The following MALRD1 variants were observed in gnomAD, a reference collection of about 807,000 sequenced individuals.
The protein encoded by MALRD1 is MAM and LDL-receptor class A domain-containing protein 1.
Under a neutral mutation model 242.1 loss-of-function variants are expected in MALRD1, and 247 were observed. The observed-to-expected ratio is 1.02, with a 90% CI of 0.92 to 1.13. MALRD1 has a LOEUF of 1.13. MALRD1 is among the 50% of genes most tolerant of loss of function. The pLI is 0.00. For synonymous variants in MALRD1, 995 were observed against 866.6 expected (o/e 1.15, Z -2.60); for missense variants, 2,989 against 2,533.1 (o/e 1.18, Z -3.86).
At chr10:19,626,730 GAA>G (rs577461299) in intron 36 of MALRD1, among the ~76,000 whole-genome samples, 1 of 139,474 alleles carries the variant, frequency 7.2e-6, no homozygotes. Context: ...TAAATGGATA[GAA>G]AAAAAAAAAA....
intron 36 of MALRD1, among the ~76,000 whole-genome samples, chr10:19,651,471 A>T (rs1171642989): frequency 6.6e-6 from 1 of 152,202 alleles, no homozygotes; most frequent in Non-Finnish European, 1.5e-5. Context: ...CCATTATTTG[A>T]AGGGAAAAAA....
intron 36 of MALRD1, among the ~76,000 whole-genome samples, chr10:19,674,288 AAAGCC>A (rs1315395674): frequency 6.6e-6 from 1 of 152,222 alleles, no homozygotes; most frequent in East Asian, 1.9e-4. Context: ...AACCTAGTGC[AAAGCC>A]TAGCAAATAG....
chr10:19,597,946 G>A (rs887412733), intron 34 of MALRD1, among the ~76,000 whole-genome samples: 15 of 152,142 alleles, frequency 9.9e-5, no homozygotes, highest in African/African-American at 3.6e-4. Context: ...GGTCGTTAGA[G>A]TGAAGCATAT....
At chr10:19,482,867 C>T (rs1837066813) in intron 29 of MALRD1, among the ~76,000 whole-genome samples, 1 of 152,072 alleles carries the variant, frequency 6.6e-6, no homozygotes, top group South Asian at 2.1e-4. Flanking sequence ...GGCCATACTG[C>T]CCAAATCAGT....
At chr10:19,165,186 C>T (rs1163500050) in intron 12 of MALRD1, among the ~76,000 whole-genome samples, 1 of 142,892 alleles carries the variant, frequency 7.0e-6, no homozygotes, top group Non-Finnish European at 1.5e-5. Context: ...GACTGGGTTA[C>T]ACATCTGGGA....
At chr10:19,462,365 C>G (rs1835990668) in intron 29 of MALRD1, among the ~76,000 whole-genome samples, 1 of 152,218 alleles carries the variant, frequency 6.6e-6, no homozygotes, top group African/African-American at 2.4e-5. Context: ...ATTATTCAAA[C>G]TAGCCAATTG....
At chr10:19,374,608 A>G (rs1845523396) in intron 26 of MALRD1, among the ~76,000 whole-genome samples, 1 of 152,226 alleles carries the variant, frequency 6.6e-6, no homozygotes, top group Non-Finnish European at 1.5e-5. Context: ...ACACACACAT[A>G]TACATACACA....
At chr10:19,472,567 T>C (rs747693459) in intron 29 of MALRD1, among the ~76,000 whole-genome samples, 17 of 152,010 alleles carry the variant, frequency 1.1e-4, no homozygotes, top group Admixed American at 1.0e-3. Flanking sequence ...TGATGACTGA[T>C]TCAATCTCTT....
intron 26 of MALRD1, among the ~76,000 whole-genome samples, chr10:19,375,311 T>C (rs914092093): frequency 6.6e-6 from 1 of 152,148 alleles, no homozygotes; most frequent in Non-Finnish European, 1.5e-5. Flanking sequence ...ATTGCAACAA[T>C]AGAGGAATGC....
At chr10:19,123,188 T>A (rs1837127412) in intron 5 of MALRD1, among the ~76,000 whole-genome samples, 2 of 152,196 alleles carry the variant, frequency 1.3e-5, no homozygotes, top group Non-Finnish European at 2.9e-5. Flanking sequence ...ATTTTTTTAC[T>A]CCTATGAAGG....
intron 24 of MALRD1, among the ~76,000 whole-genome samples, chr10:19,346,434 A>C (rs149879362): frequency 5.5e-4 from 84 of 152,280 alleles, no homozygotes; most frequent in African/African-American, 1.9e-3. Context: ...TGTGTAAATG[A>C]GGCTTATTTA....
chr10:19,389,417 T>C, intron 27 of MALRD1, 35 bp from the exon 28 acceptor site: 1 of 1,543,112 alleles, frequency 6.5e-7, no homozygotes, highest in Non-Finnish European at 8.8e-7. Flanking sequence ...ATCATTGTTA[T>C]TTCGTTCTTC....
At chr10:19,429,837 C>G (rs1156460717) in intron 28 of MALRD1, among the ~76,000 whole-genome samples, 1 of 152,080 alleles carries the variant, frequency 6.6e-6, no homozygotes, top group Non-Finnish European at 1.5e-5. Flanking sequence ...TATTCCAAGG[C>G]CATGCCTACT....
chr10:19,236,759 T>G (rs761263891), intron 18 of MALRD1, among the ~76,000 whole-genome samples: 3 of 152,138 alleles, frequency 2.0e-5, no homozygotes, highest in Non-Finnish European at 4.4e-5. Flanking sequence ...ACGTTTTTCA[T>G]TTTTATAAGC....
intron 5 of MALRD1, among the ~76,000 whole-genome samples, chr10:19,106,861 A>G (rs374195306): frequency 4.3e-4 from 66 of 152,018 alleles, no homozygotes; most frequent in African/African-American, 1.5e-3. Flanking sequence ...GAATATTTAA[A>G]TGTTCTATTT....
At chr10:19,583,436 G>T (rs1430088311) in intron 33 of MALRD1, among the ~76,000 whole-genome samples, 15 of 149,210 alleles carry the variant, frequency 1.0e-4, no homozygotes, top group Non-Finnish European at 2.3e-4. Context: ...AGCATGAAGG[G>T]TTGTTGAATT....
At chr10:19,246,833 G>T (rs1839074033) in intron 18 of MALRD1, among the ~76,000 whole-genome samples, 1 of 152,102 alleles carries the variant, frequency 6.6e-6, no homozygotes, top group African/African-American at 2.4e-5. Flanking sequence ...ACAAAAATAT[G>T]ATGCTTGATG....
intron 13 of MALRD1, among the ~76,000 whole-genome samples, chr10:19,167,364 A>G (rs1018720159): frequency 3.3e-5 from 5 of 152,150 alleles, no homozygotes; most frequent in African/African-American, 4.8e-5. Flanking sequence ...ATCTTAAAAA[A>G]ACAAAAACAA....
chr10:19,483,383 C>T (rs2131186240), intron 29 of MALRD1, among the ~76,000 whole-genome samples: 1 of 152,118 alleles, frequency 6.6e-6, no homozygotes, highest in East Asian at 1.9e-4. Context: ...TACAGAATGA[C>T]AGAAAACATT....
Sources: allele counts gnomAD v4.1 joint callset (sites outside exome capture counted in the v4.1 genomes callset), GRCh38; gene constraint gnomAD v4.1.1; transcripts MANE v1.5; gene names NCBI Gene and HGNC (gene_info 2026-07-23, HGNC 2026-07-21).